The following FAM169A variants were observed in gnomAD, a reference collection of about 807,000 sequenced individuals.
The protein encoded by FAM169A is soluble lamin-associated protein of 75 kDa.
Under a neutral mutation model 75.7 loss-of-function variants are expected in FAM169A, and 24 were observed. The ratio of observed to expected loss-of-function variants is 0.32; its 90% CI spans 0.23 to 0.45. The LOEUF is 0.45. FAM169A is among the 20% of genes least tolerant of loss of function. FAM169A has a pLI of 1.00. For missense variants in FAM169A, 673 were observed against 784.0 expected (o/e 0.86, Z 1.69); for synonymous variants, 271 against 271.0 (o/e 1.00, Z 0.00).
chr5:74,817,719 G>A (rs559091924), intron 5 of FAM169A, among the ~76,000 whole-genome samples: 61 of 152,178 alleles, frequency 4.0e-4, no homozygotes, highest in Non-Finnish European at 7.8e-4. Flanking sequence ...TCTTGACAAA[G>A]AACTTGTCAA....
intron 11 of FAM169A, among the ~76,000 whole-genome samples, chr5:74,794,123 A>C (rs1746128726): frequency 6.6e-6 from 1 of 150,936 alleles, no homozygotes; most frequent in African/African-American, 2.4e-5. Flanking sequence ...GGAGCGGATC[A>C]GGAGTTCAAG....
chr5:74,833,149 T>C (rs1018080747), intron 5 of FAM169A, among the ~76,000 whole-genome samples: 3 of 152,082 alleles, frequency 2.0e-5, no homozygotes, highest in African/African-American at 7.2e-5. Flanking sequence ...ATGCTCCAAA[T>C]GTCTATCAGG....
intron 5 of FAM169A, among the ~76,000 whole-genome samples, chr5:74,816,850 C>G (rs1039678929): frequency 3.8e-4 from 58 of 152,042 alleles, no homozygotes; most frequent in African/African-American, 3.1e-4. Flanking sequence ...TTATTCACCC[C>G]CCAAGACTTC....
chr5:74,845,810 T>C (rs1749127362), intron 1 of FAM169A, among the ~76,000 whole-genome samples: 1 of 152,190 alleles, frequency 6.6e-6, no homozygotes, highest in South Asian at 2.1e-4. Flanking sequence ...TAAGATGTTA[T>C]AGGTAGAAAA....
intron 5 of FAM169A, among the ~76,000 whole-genome samples, chr5:74,830,288 T>C (rs1748248403): frequency 6.6e-6 from 1 of 152,212 alleles, no homozygotes; most frequent in South Asian, 2.1e-4. Flanking sequence ...AGAAGTAAAC[T>C]ATAACTCTTC....
chr5:74,794,774 G>A (rs1474447272), intron 11 of FAM169A, among the ~76,000 whole-genome samples: 6 of 139,254 alleles, frequency 4.3e-5, no homozygotes, highest in African/African-American at 1.1e-4. Context: ...GCGCAACTCC[G>A]TCTCAAAAAA....
At chr5:74,835,271 C>T (rs547214896) in intron 4 of FAM169A, among the ~76,000 whole-genome samples, 30 of 152,160 alleles carry the variant, frequency 2.0e-4, no homozygotes, top group Non-Finnish European at 3.7e-4. Context: ...GGGACCGCAC[C>T]AACACTCAGA....
rs1212382452 is a variant in FAM169A at position 74,813,904 on chromosome 5, A to G, written c.606T>C (p.Phe202=). The change falls in exon 6 of 13, where the codon TTT becomes TTC. Residue 202 remains phenylalanine (F), a synonymous_variant. Transcript: ENST00000687041. The part of the protein sequence containing the change: ...KDFGLHMLED[F]VDSFTEDALG... The stretch of plus-strand genomic sequence containing the variant: ...GCGCATCTTCTGTAAAGGAATCAAC[A>G]AAGTCCTCCAGCATGTGAAGCCCAA... 3.7e-6 allele frequency: 6 copies of G among 1,609,262 alleles called. No homozygotes were observed. The highest frequency in any genetic ancestry group is 1.7e-4 in the Middle Eastern group (1 of 6,048).
Position 74,781,364 on chromosome 5 carries a change from TTTGTC to T in FAM169A, c.*91_*95del. 1 of 1,241,984 alleles carries T rather than the reference TTTGTC, an allele frequency of 8.1e-7. No individual in the cohort carries two copies. Among genetic ancestry groups the T allele is most frequent in the Non-Finnish European group, 1.1e-6 (1 of 894,834 alleles). The allele number at this position is 1,241,984 out of a possible 1,614,324, so 76.9% of individuals were successfully genotyped here. A position where few individuals can be genotyped will look rare whatever the true frequency, so the allele number is the denominator to read the frequency against. Reference sequence around the variant, plus strand: ...AGTTCAAATTGAAATTTTGGAAATTTTTGTCCTGTGCCCCATGCTGTTTATTAATT... The same window carrying T: ...AGTTCAAATTGAAATTTTGGAAATTTCTGTGCCCCATGCTGTTTATTAATT... On this transcript the variant is annotated 3_prime_UTR_variant, in exon 13 of 13. Transcript: ENST00000687041.
chr5:74,813,727 C>G, intron 6 of FAM169A, 113 bp downstream of exon 6: 1 of 706,136 alleles, frequency 1.4e-6, no homozygotes, highest in Non-Finnish European at 2.1e-6. Context: ...TCTAGAGAGC[C>G]TAAGGTTCCA....
At chr5:74,841,256 CA>C (rs1224032333) in intron 2 of FAM169A, among the ~76,000 whole-genome samples, 1 of 151,986 alleles carries the variant, frequency 6.6e-6, no homozygotes, top group Admixed American at 6.6e-5. Flanking sequence ...TCACAAATTC[CA>C]AATCTAAAGT....
At chr5:74,823,389 C>T (rs963096229) in intron 5 of FAM169A, among the ~76,000 whole-genome samples, 1 of 152,204 alleles carries the variant, frequency 6.6e-6, no homozygotes, top group African/African-American at 2.4e-5. Flanking sequence ...TTCAAAACTA[C>T]TTTTAAATAT....
At chr5:74,803,817 T>A (rs1746712968) in intron 8 of FAM169A, among the ~76,000 whole-genome samples, 1 of 152,152 alleles carries the variant, frequency 6.6e-6, no homozygotes, top group South Asian at 2.1e-4. Context: ...AGCCTCAAAC[T>A]TTACAACATA....
At chr5:74,785,462 T>C (rs1265180694) in intron 11 of FAM169A, among the ~76,000 whole-genome samples, 1 of 152,208 alleles carries the variant, frequency 6.6e-6, no homozygotes, top group African/African-American at 2.4e-5. Flanking sequence ...AAAAGTACCA[T>C]TTAAAAATAC....
intron 11 of FAM169A, among the ~76,000 whole-genome samples, chr5:74,791,676 T>A (rs967011539): frequency 3.9e-5 from 6 of 152,176 alleles, no homozygotes; most frequent in Non-Finnish European, 5.9e-5. Context: ...AGTATTACGA[T>A]GCCCTGTGAT....
chr5:74,842,884 T>G (rs1299139469), intron 1 of FAM169A, among the ~76,000 whole-genome samples: 1 of 152,072 alleles, frequency 6.6e-6, no homozygotes, highest in Non-Finnish European at 1.5e-5. Context: ...GGGAGTAGGG[T>G]AGAAGCGAAG....
At chr5:74,866,570 G>T (rs1381028728), upstream of FAM169A, 1 of 513,968 alleles carries the variant, frequency 1.9e-6, no homozygotes, top group Non-Finnish European at 2.5e-6. Context: ...GGCGTCACGC[G>T]GCCCCCGCCT....
chr5:74,839,184 A>G, intron 3 of FAM169A, 134 bp from the exon 4 acceptor site: 1 of 643,422 alleles, frequency 1.6e-6, no homozygotes, highest in Non-Finnish European at 2.7e-6. Flanking sequence ...CCAAATAGTA[A>G]TATTGTACTT....
chr5:74,804,675 T>C (rs953837755), intron 7 of FAM169A, 70 bp from the exon 8 acceptor site: 1 of 864,352 alleles, frequency 1.2e-6, no homozygotes, highest in Non-Finnish European at 1.8e-6. Flanking sequence ...ATTGTACTGA[T>C]TTTCCTAAAA....
Sources: gnomAD v4.1 joint callset for allele counts (sites outside exome capture counted in the v4.1 genomes callset) on GRCh38, gnomAD v4.1.1 for gene constraint, MANE v1.5 for transcripts, NCBI Gene and HGNC (gene_info 2026-07-23, HGNC 2026-07-21) for gene names.